The following CTNND2 variants were observed in gnomAD, a reference collection of about 807,000 sequenced individuals.
CTNND2 encodes the protein catenin delta 2, also known as catenin delta-2.
Under a neutral mutation model 144.4 loss-of-function variants are expected in CTNND2, and 22 were observed. That is an observed-to-expected ratio of 0.15 (90% CI 0.11 to 0.22). CTNND2 has a LOEUF of 0.22. Ranked by LOEUF, CTNND2 falls within the 10% of genes least tolerant of loss-of-function variation. The pLI is 1.00. For synonymous variants in CTNND2, 751 were observed against 695.6 expected, an observed-to-expected ratio of 1.08 and a Z score of -1.25; for missense variants, 1,353 against 1,618.8, an observed-to-expected ratio of 0.84 and a Z score of 2.82.
intron 2 of CTNND2, among the ~76,000 whole-genome samples, chr5:11,717,586 A>G (rs978956546): frequency 6.6e-6 from 1 of 152,042 alleles, no homozygotes; most frequent in African/African-American, 2.4e-5. Context: ...AAAAAAAAAA[A>G]AAAAGATGTG....
chr5:11,346,961 G>A (rs1219503425), intron 8 of CTNND2, among the ~76,000 whole-genome samples: 3 of 151,974 alleles, frequency 2.0e-5, no homozygotes, highest in African/African-American at 7.2e-5. Flanking sequence ...AAGGAGGCAT[G>A]GGAAGTTAAT....
At position 11,293,770 on chromosome 5, in the gene CTNND2, C is replaced by CA. The variant is rs550450063; in HGVS notation, c.1628+52601dup. 2.1e-3 allele frequency among the ~76,000 whole-genome samples: 299 copies of CA among 144,736 alleles called. 1 individual carries two copies. Among genetic ancestry groups the CA allele is most frequent in the African/African-American group, 7.1e-3 (282 of 39,962 alleles). The allele number at this position is 144,736 out of a possible 152,430, so 95.0% of individuals were successfully genotyped here. On this transcript the variant is annotated intron_variant, in intron 9 of 21. Coordinates refer to ENST00000304623, the MANE Select transcript of CTNND2 (RefSeq NM_001332.4). The stretch of plus-strand genomic sequence containing the variant: ...CTTTTGTTTAAGCATTAACCACAGG[C>CA]AAAAAAGACTCCAAGAAATGTGCCC...
chr5:11,764,723 G>A (rs1292054873), intron 1 of CTNND2, among the ~76,000 whole-genome samples: 2 of 152,116 alleles, frequency 1.3e-5, no homozygotes, highest in Admixed American at 6.6e-5. Context: ...CTTTAACCTG[G>A]TTCTAGCAAT....
chr5:10,985,808 A>G (rs1194119314), intron 20 of CTNND2, among the ~76,000 whole-genome samples: 2 of 152,140 alleles, frequency 1.3e-5, no homozygotes, highest in Non-Finnish European at 2.9e-5. Flanking sequence ...GGGGTTGTAA[A>G]CTCAATATCC....
chr5:11,170,591 T>TACACACACACAC (rs534408462), intron 11 of CTNND2, among the ~76,000 whole-genome samples: 1 of 151,214 alleles, frequency 6.6e-6, no homozygotes. Context: ...CACACACACA[T>TACACACACACAC]ACACACACAC....
intron 16 of CTNND2, among the ~76,000 whole-genome samples, chr5:11,052,034 G>A (rs1424587134): frequency 5.3e-5 from 8 of 152,140 alleles, no homozygotes; most frequent in Non-Finnish European, 1.2e-4. Flanking sequence ...GGTTTCAAGC[G>A]GGCCGGGGCT....
chr5:11,581,588 T>C (rs1778439848), intron 2 of CTNND2, among the ~76,000 whole-genome samples: 2 of 152,210 alleles, frequency 1.3e-5, no homozygotes, highest in African/African-American at 4.8e-5. Context: ...GATGTCAACG[T>C]TATCTTATTG....
At chr5:11,424,792 A>T (rs976107125) in intron 3 of CTNND2, among the ~76,000 whole-genome samples, 1 of 152,174 alleles carries the variant, frequency 6.6e-6, no homozygotes, top group African/African-American at 2.4e-5. Context: ...TTTTTTTAAA[A>T]GATTGGGAAT....
At chr5:11,854,571 AAG>A in intron 1 of CTNND2, among the ~76,000 whole-genome samples, 1 of 152,246 alleles carries the variant, frequency 6.6e-6, no homozygotes, top group Non-Finnish European at 1.5e-5. Context: ...GGCTCAAAGA[AAG>A]AGCACAGTAA....
chr5:11,754,384 C>T (rs183649315), intron 1 of CTNND2, among the ~76,000 whole-genome samples: 66 of 140,122 alleles, frequency 4.7e-4, no homozygotes, highest in Admixed American at 4.0e-3. Context: ...TCTTTGTTCT[C>T]ATCACTTTCA....
intron 9 of CTNND2, among the ~76,000 whole-genome samples, chr5:11,275,949 A>C (rs1026619358): frequency 5.9e-5 from 9 of 152,244 alleles, no homozygotes; most frequent in African/African-American, 2.2e-4. Context: ...ATACTTGCAC[A>C]TGATCTAAAA....
intron 15 of CTNND2, among the ~76,000 whole-genome samples, chr5:11,095,801 T>C (rs1751281578): frequency 6.6e-6 from 1 of 152,222 alleles, no homozygotes. Flanking sequence ...TTTTCTTTGT[T>C]ACTAATTTTG....
intron 12 of CTNND2, among the ~76,000 whole-genome samples, chr5:11,128,802 TATAC>T (rs375662536): frequency 0.043 from 870 of 20,414 alleles, 26 homozygotes; most frequent in African/African-American, 0.061. Flanking sequence ...ATATTATATA[TATAC>T]AATATATATA....
intron 15 of CTNND2, among the ~76,000 whole-genome samples, chr5:11,093,266 T>C (rs1561291613): frequency 6.6e-6 from 1 of 152,194 alleles, no homozygotes; most frequent in Non-Finnish European, 1.5e-5. Context: ...AAAGCTCAAG[T>C]ACAATAGAAA....
At chr5:11,489,871 C>G (rs1203182563) in intron 3 of CTNND2, among the ~76,000 whole-genome samples, 1 of 152,126 alleles carries the variant, frequency 6.6e-6, no homozygotes, top group Non-Finnish European at 1.5e-5. Context: ...CGTACGAGAT[C>G]GTCTCTGTGA....
intron 2 of CTNND2, among the ~76,000 whole-genome samples, chr5:11,684,999 C>T (rs1162191035): frequency 6.6e-6 from 1 of 152,178 alleles, no homozygotes; most frequent in East Asian, 1.9e-4. Context: ...TAGGCTGATG[C>T]TTCACAGCTT....
intron 12 of CTNND2, among the ~76,000 whole-genome samples, chr5:11,126,434 G>C (rs1245264142): frequency 6.6e-6 from 1 of 152,142 alleles, no homozygotes; most frequent in African/African-American, 2.4e-5. Context: ...ATGGGCTTTA[G>C]AGGAATCATT....
Position 11,132,269 on chromosome 5 carries a change from G to A in CTNND2, c.2160-14702C>T, listed in dbSNP as rs1580377451. On this transcript the variant is annotated intron_variant, in intron 12 of 21. Coordinates refer to ENST00000304623, the MANE Select transcript of CTNND2 (RefSeq NM_001332.4). ...GCAGAAGCCGCTGTTATTCTGTGGG[G>A]TCCAGGCCTACCACCTGCGGGTATC... Among the ~76,000 whole-genome samples, 4 of 152,312 alleles carry A rather than the reference G, an allele frequency of 2.6e-5. No individual in the cohort carries two copies. The Middle Eastern group carries it at 0.014, about 518-fold the overall frequency.
chr5:11,229,835 C>G (rs1008736373), intron 10 of CTNND2, among the ~76,000 whole-genome samples: 1 of 151,744 alleles, frequency 6.6e-6, no homozygotes, highest in African/African-American at 2.4e-5. Context: ...ATATACTCCT[C>G]TTTTTGTATA....
Sources: gnomAD v4.1 joint callset for allele counts (sites outside exome capture counted in the v4.1 genomes callset) on GRCh38, gnomAD v4.1.1 for gene constraint, MANE v1.5 for transcripts, NCBI Gene and HGNC (gene_info 2026-07-23, HGNC 2026-07-21) for gene names.